The following KCNQ1 variants were observed in gnomAD, a reference collection of about 807,000 sequenced individuals.
The protein encoded by KCNQ1 is potassium voltage-gated channel subfamily KQT member 1.
Under a neutral mutation model 72.4 loss-of-function variants are expected in KCNQ1, and 49 were observed. The observed-to-expected ratio is 0.68, with a 90% confidence interval of 0.54 to 0.86. KCNQ1 has a LOEUF of 0.86. KCNQ1 is among the 40% of genes least tolerant of loss of function. KCNQ1 has a pLI of 0.00. For synonymous variants in KCNQ1, 450 were observed against 412.6 expected, an observed-to-expected ratio of 1.09 and a Z score of -1.10; for missense variants, 790 against 945.1, an observed-to-expected ratio of 0.84 and a Z score of 2.15.
At chr11:2,448,379 C>A (rs912535750) in intron 1 of KCNQ1, among the ~76,000 whole-genome samples, 1 of 152,202 alleles carries the variant, frequency 6.6e-6, no homozygotes, top group Admixed American at 6.5e-5. Context: ...GCAGAACCCT[C>A]GCGGGTGCGT....
At position 2,752,100 on chromosome 11, in the gene KCNQ1, A is replaced by T. The variant is rs1022794175; in HGVS notation, c.1515-16744A>T. 7.2e-5 allele frequency among the ~76,000 whole-genome samples: 11 copies of T among 152,162 alleles called. No individual in the cohort carries two copies. The highest frequency in any genetic ancestry group is 2.2e-4 in the African/African-American group (9 of 41,426). On this transcript the variant is annotated intron_variant, in intron 11 of 15. Transcript: ENST00000155840. The surrounding 1 kb of genome is among the most constrained non-coding windows in gnomAD (Gnocchi z 5.2). The stretch of plus-strand genomic sequence containing the variant: ...CACCCTGGTCATCCCTGTTTCCACC[A>T]CAAGACTGTTTGTAGCCGAGCTTGG...
intron 11 of KCNQ1, among the ~76,000 whole-genome samples, chr11:2,765,799 T>G (rs906072873): frequency 1.3e-5 from 2 of 152,218 alleles, no homozygotes; most frequent in African/African-American, 2.4e-5. Flanking sequence ...TGACCTATCT[T>G]TTTCTATCCT....
In KCNQ1 at chr11:2,685,734, C is replaced by T. The variant is rs550718612; in HGVS notation, c.1514+23653C>T. 5 of 398,648 alleles carry T rather than the reference C, an allele frequency of 1.3e-5. No individual in the cohort carries two copies. In the South Asian group the frequency reaches 3.8e-4, roughly 30 times the overall value. The allele number at this position is 398,648 out of a possible 1,614,324, so 24.7% of individuals were successfully genotyped here. ...CAGGGAGGGTGCTCTGACAGTCCGC[C>T]GAAATGGCCAGCAGGCAGGCATCCT... On this transcript the variant is annotated intron_variant, in intron 11 of 15. Coordinates refer to ENST00000155840, the MANE Select transcript of KCNQ1 (RefSeq NM_000218.3).
In KCNQ1 at chr11:2,588,225, G is replaced by A. The variant is rs1341584589; in HGVS notation, c.1252-488G>A. Among the ~76,000 whole-genome samples the A allele has an allele frequency of 6.6e-6, 1 of 152,040 alleles. No individual in the cohort carries two copies. The highest frequency in any genetic ancestry group is 1.5e-5 in the Non-Finnish European group (1 of 67,988). ...GGCATGGTTCCCCTTCCTGGCCCGT[G>A]CCCACCCCCTGTGGAGAGACCTGGC... On this transcript the variant is annotated intron_variant, in intron 9 of 15. Transcript: ENST00000155840. This position sits in a 1 kb window ranked among gnomAD's most constrained non-coding sequence, Gnocchi z 5.6.
In KCNQ1 at chr11:2,445,168, C is replaced by T. The variant is rs990778345; in HGVS notation, c.70C>T (p.Arg24Trp). The T allele has an allele frequency of 8.8e-6, 10 of 1,135,698 alleles. No individual in the cohort carries two copies. The highest frequency in any genetic ancestry group is 3.1e-5 in the South Asian group (1 of 32,104). 70.4% of individuals were successfully genotyped at this position (1,135,698 alleles called of 1,614,324 possible). A position where few individuals can be genotyped will look rare whatever the true frequency, so the allele number is the denominator to read the frequency against. Residue 24 changes from arginine to tryptophan, a missense_variant, in exon 1 of 16, where the codon CGG becomes TGG. Physicochemically the swap from Arg to Trp is moderately radical, Grantham distance 101. This residue lies in a region of KCNQ1 where 294 missense variants were observed against 323.3 expected (regional missense o/e 0.91). Transcript: ENST00000155840. ...GGGTTGGGGCCGCCTGCCAGGCGCC[C>T]GGCGGGGCAGCGCGGGCCTGGCCAA... The part of the protein sequence containing the change: ...RWGWGRLPGA[R>W]RGSAGLAKKC...
At chr11:2,635,381 G>T (rs1411235079) in intron 10 of KCNQ1, 2 of 152,134 alleles carry the variant, frequency 1.3e-5, no homozygotes, top group East Asian at 3.8e-4. Flanking sequence ...AAGGGATCCA[G>T]TTTCAGCTTT....
At chr11:2,727,751 G>A (rs558082013) in intron 11 of KCNQ1, among the ~76,000 whole-genome samples, 2 of 152,256 alleles carry the variant, frequency 1.3e-5, no homozygotes, top group South Asian at 2.1e-4. Flanking sequence ...GCAGAAGGGC[G>A]AGCAGACAGA....
At position 2,654,096 on chromosome 11, in the gene KCNQ1, G is replaced by A. The variant is rs1014378444; in HGVS notation, c.1394-7865G>A. On this transcript the variant is annotated intron_variant, in intron 10 of 15. Coordinates refer to ENST00000155840, the MANE Select transcript of KCNQ1 (RefSeq NM_000218.3). This position sits in a 1 kb window ranked among gnomAD's most constrained non-coding sequence, Gnocchi z 6.4. ...TTTCCATCCATGTCCCTTACTTCTC[G>A]CCTCTGAGTGGAGACACAGGTGGTG... 7 of 398,614 alleles carry A rather than the reference G, an allele frequency of 1.8e-5. No homozygotes were observed. The highest frequency in any genetic ancestry group is 6.2e-4 in the Middle Eastern group (1 of 1,610). The allele number at this position is 398,614 out of a possible 1,614,324, so 24.7% of individuals were successfully genotyped here. A position where few individuals can be genotyped will look rare whatever the true frequency, so the allele number is the denominator to read the frequency against.
rs964264410 is a variant in KCNQ1 at position 2,799,231 on chromosome 11, C to T, written c.1794+21194C>T. Among the ~76,000 whole-genome samples the T allele has an allele frequency of 7.2e-5, 11 of 152,328 alleles. No individual in the cohort carries two copies. The South Asian group carries it at 1.5e-3, about 20-fold the overall frequency. On this transcript the variant is annotated intron_variant, in intron 15 of 15. Coordinates refer to ENST00000155840, the MANE Select transcript of KCNQ1 (RefSeq NM_000218.3). The stretch of plus-strand genomic sequence containing the variant: ...GAAACTCTCAGAGGCAGGCAGGGGC[C>T]GGACCACGGGGGCGGTGGTGCTCAG...
chr11:2,449,090 G>T (rs866132218), intron 1 of KCNQ1, among the ~76,000 whole-genome samples: 1 of 152,250 alleles, frequency 6.6e-6, no homozygotes, highest in South Asian at 2.1e-4. Flanking sequence ...GCAGGGCTTT[G>T]TGTCTGGGCA....
chr11:2,777,663 T>C (rs1846734084), intron 14 of KCNQ1: 2 of 595,070 alleles, frequency 3.4e-6, no homozygotes, highest in Non-Finnish European at 6.0e-6. Flanking sequence ...TGTGTCGCCC[T>C]GGGAGTGGAA....
At chr11:2,777,670 G>A (rs1564889799) in intron 14 of KCNQ1, 2 of 595,482 alleles carry the variant, frequency 3.4e-6, no homozygotes, top group Non-Finnish European at 6.0e-6. Context: ...CCCTGGGAGT[G>A]GAATGGCATG....
Position 2,482,309 on chromosome 11 carries a change from G to A in KCNQ1, c.386+36825G>A, listed in dbSNP as rs567336130. Among the ~76,000 whole-genome samples the A allele has an allele frequency of 2.4e-4, 37 of 152,246 alleles. 2 individuals are homozygous for A. Among genetic ancestry groups the A allele is most frequent in the African/African-American group, 8.7e-4 (36 of 41,544 alleles). On this transcript the variant is annotated intron_variant, in intron 1 of 15. Coordinates refer to ENST00000155840, the MANE Select transcript of KCNQ1 (RefSeq NM_000218.3). This position sits in a 1 kb window ranked among gnomAD's most constrained non-coding sequence, Gnocchi z 5.7. The stretch of plus-strand genomic sequence containing the variant: ...TGTATCTTCTTACCTTTTGACACAT[G>A]GCAGACATGTCTCACATCTGTTCTT...
Position 2,588,964 on chromosome 11 carries a change from C to T in KCNQ1, c.1393+110C>T, listed in dbSNP as rs553006255. On this transcript the variant is annotated intron_variant, in intron 10 of 15. Coordinates refer to ENST00000155840, the MANE Select transcript of KCNQ1 (RefSeq NM_000218.3). This position sits in a 1 kb window ranked among gnomAD's most constrained non-coding sequence, Gnocchi z 5.6. The stretch of plus-strand genomic sequence containing the variant: ...TCCCTTGGGCTGTGGTCTCTGACAA[C>T]GAGGTATGAACAGACAGAGGGTGGA... The T allele has an allele frequency of 2.5e-4, 331 of 1,309,656 alleles. 2 individuals are homozygous for T. The African/African-American group carries it at 4.1e-3, about 16-fold the overall frequency. 81.1% of individuals were successfully genotyped at this position (1,309,656 alleles called of 1,614,324 possible).
chr11:2,512,965 A>G (rs976290389), intron 1 of KCNQ1, among the ~76,000 whole-genome samples: 1 of 152,176 alleles, frequency 6.6e-6, no homozygotes, highest in African/African-American at 2.4e-5. Context: ...CTGGGAAGGC[A>G]GTGGACCCTG....
At chr11:2,561,527 C>G (rs1016937097) in intron 2 of KCNQ1, among the ~76,000 whole-genome samples, 4 of 152,210 alleles carry the variant, frequency 2.6e-5, no homozygotes, top group African/African-American at 9.6e-5. Context: ...CCCCACAGTC[C>G]TAGGAGGTGG....
At chr11:2,800,500 C>T (rs942859516) in intron 15 of KCNQ1, among the ~76,000 whole-genome samples, 4 of 152,212 alleles carry the variant, frequency 2.6e-5, no homozygotes, top group Non-Finnish European at 5.9e-5. Context: ...CTGCAGCCCT[C>T]CCCACTTTGC....
In KCNQ1 at chr11:2,767,857, A is replaced by G. The variant is rs1379418165; in HGVS notation, c.1515-987A>G. On this transcript the variant is annotated intron_variant, in intron 11 of 15. Transcript: ENST00000155840. The surrounding 1 kb of genome is among the most constrained non-coding windows in gnomAD (Gnocchi z 4.6). ...AGAGGAAGTTGTGTGAAAGGTGGCT[A>G]GAGGACCAGAATCTTTTTCCCTCGT... Among the ~76,000 whole-genome samples, 1 of 152,256 alleles carries G rather than the reference A, an allele frequency of 6.6e-6. No individual in the cohort carries two copies. The highest frequency in any genetic ancestry group is 1.9e-4 in the East Asian group (1 of 5,204).
At chr11:2,814,350 G>A (rs545364047) in intron 15 of KCNQ1, among the ~76,000 whole-genome samples, 1 of 151,830 alleles carries the variant, frequency 6.6e-6, no homozygotes, top group South Asian at 2.1e-4. Context: ...TGGAGAGATG[G>A]ATGAATGGAT....
Sources: gnomAD v4.1 joint callset for allele counts (sites outside exome capture counted in the v4.1 genomes callset) on GRCh38, gnomAD v4.1.1 for gene constraint, gnomAD v4.1.1 regional missense constraint, Gnocchi (gnomAD v3.1) non-coding constraint, MANE v1.5 for transcripts, NCBI Gene and HGNC (gene_info 2026-07-23, HGNC 2026-07-21) for gene names.